PRELID2: variants seen among roughly 807,000 people sequenced by gnomAD.
The protein encoded by PRELID2 is PRELI domain containing 2, also known as PRELI domain-containing protein 2.
Under a neutral mutation model 28.4 loss-of-function variants are expected in PRELID2, and 25 were observed. The ratio of observed to expected loss-of-function variants is 0.88; its 90% CI spans 0.64 to 1.23. The LOEUF (loss-of-function observed/expected upper bound fraction) is 1.23, where lower values mean the gene tolerates loss of function less well. Ranked by LOEUF, PRELID2 falls within the 50% of genes most tolerant of loss-of-function variation. The probability of loss-of-function intolerance (pLI) is 0.00; values close to 1 mark genes in which losing one functional copy is unlikely to be tolerated. For missense variants in PRELID2, 201 were observed against 214.4 expected (o/e 0.94, Z 0.39); for synonymous variants, 76 against 71.6 (o/e 1.06, Z -0.31).
the PRELID2 span, among the ~76,000 whole-genome samples, chr5:145,233,129 T>C: frequency 6.6e-6 from 1 of 152,088 alleles, no homozygotes; most frequent in Non-Finnish European, 1.5e-5. Context: ...ATTTTAACAA[T>C]GGCACTCTGA....
the PRELID2 span, among the ~76,000 whole-genome samples, chr5:145,375,895 T>C: frequency 1.3e-5 from 2 of 152,150 alleles, no homozygotes; most frequent in Non-Finnish European, 2.9e-5. Context: ...AGAGAGCTAA[T>C]GTGTTAGGCA....
chr5:145,337,488 T>A, the PRELID2 span, among the ~76,000 whole-genome samples: 1 of 151,528 alleles, frequency 6.6e-6, no homozygotes, highest in South Asian at 2.1e-4. Flanking sequence ...CTGCTTCAGA[T>A]TCCATTCACA....
the PRELID2 span, among the ~76,000 whole-genome samples, chr5:145,309,626 C>T: frequency 7.9e-5 from 12 of 152,288 alleles, no homozygotes; most frequent in Admixed American, 3.3e-4. Context: ...ACAACAATAG[C>T]TAACATTGAT....
intron 1 of PRELID2, among the ~76,000 whole-genome samples, chr5:145,585,423 A>C (rs1378969458): frequency 1.3e-5 from 2 of 152,210 alleles, no homozygotes; most frequent in African/African-American, 4.8e-5. Flanking sequence ...CACCTCCTGC[A>C]CATGTACCCC....
chr5:145,262,876 C>A, the PRELID2 span, among the ~76,000 whole-genome samples: 1 of 152,026 alleles, frequency 6.6e-6, no homozygotes, highest in Non-Finnish European at 1.5e-5. Flanking sequence ...CATAAATGCT[C>A]ACTTAAAAGA....
chr5:145,377,030 TA>T, the PRELID2 span, among the ~76,000 whole-genome samples: 1 of 152,196 alleles, frequency 6.6e-6, no homozygotes, highest in African/African-American at 2.4e-5. Flanking sequence ...TTTAGTGCTA[TA>T]AATTTCCCTC....
At chr5:145,295,490 C>G in the PRELID2 span, among the ~76,000 whole-genome samples, 1 of 152,066 alleles carries the variant, frequency 6.6e-6, no homozygotes, top group Non-Finnish European at 1.5e-5. Flanking sequence ...AAACAAAAAA[C>G]TAAAAGAAAT....
intron 1 of PRELID2, among the ~76,000 whole-genome samples, chr5:145,703,155 A>T (rs532802022): frequency 1.6e-3 from 248 of 152,302 alleles, no homozygotes; most frequent in African/African-American, 5.8e-3. Flanking sequence ...CAAATTACCA[A>T]GCAAACACAA....
At chr5:145,704,879 T>A (rs776595626) in intron 1 of PRELID2, among the ~76,000 whole-genome samples, 6 of 152,224 alleles carry the variant, frequency 3.9e-5, no homozygotes, top group Non-Finnish European at 7.3e-5. Context: ...GCAGATGAGC[T>A]GTGCAAAGAG....
intron 1 of PRELID2, among the ~76,000 whole-genome samples, chr5:145,741,381 T>C (rs1262884823): frequency 9.2e-6 from 1 of 108,376 alleles, no homozygotes; most frequent in African/African-American, 3.7e-5. Context: ...TAAATTTTAT[T>C]TATAAATTAT....
the PRELID2 span, among the ~76,000 whole-genome samples, chr5:145,260,115 C>T: frequency 1.3e-5 from 2 of 152,152 alleles, no homozygotes; most frequent in African/African-American, 4.8e-5. Flanking sequence ...AAGATGCTTG[C>T]TACCCCTTTG....
intron 5 of PRELID2, among the ~76,000 whole-genome samples, chr5:145,783,485 A>G (rs1328231567): frequency 2.0e-5 from 3 of 152,240 alleles, no homozygotes; most frequent in Non-Finnish European, 2.9e-5. Flanking sequence ...AGCAGCTACT[A>G]TGATATACCT....
intron 1 of PRELID2, among the ~76,000 whole-genome samples, chr5:145,592,487 C>T (rs984375407): frequency 2.6e-5 from 4 of 152,052 alleles, no homozygotes; most frequent in Admixed American, 2.6e-4. Context: ...CACACACACA[C>T]ACACACATTG....
chr5:145,335,362 G>T, the PRELID2 span, among the ~76,000 whole-genome samples: 1 of 151,572 alleles, frequency 6.6e-6, no homozygotes, highest in African/African-American at 2.4e-5. Context: ...TTTATGTATT[G>T]TTTTTCCTGG....
intron 1 of PRELID2, among the ~76,000 whole-genome samples, chr5:145,592,275 C>T (rs1024867590): frequency 4.6e-5 from 7 of 151,894 alleles, no homozygotes; most frequent in Admixed American, 1.3e-4. Flanking sequence ...ATTAGCTGGG[C>T]GTGGTGGTGG....
chr5:145,436,177 C>T, the PRELID2 span, among the ~76,000 whole-genome samples: 3 of 152,112 alleles, frequency 2.0e-5, no homozygotes, highest in Non-Finnish European at 2.9e-5. Context: ...TTATAAGTGA[C>T]ATGTGGCATT....
rs199790061 is a variant in PRELID2, at chr5:145,783,856, TAC to T, written c.474+12584_474+12585del. On this transcript the variant is annotated intron_variant, in intron 5 of 6. Coordinates refer to ENST00000683046, the MANE Select transcript of PRELID2 (RefSeq NM_205846.3). ...ATGCTCTTTTCCTCTGTCTTGGAATTACTGAATTTTGAAATATCCACTGTTTT... is the reference window on the plus strand; with the variant it reads ...ATGCTCTTTTCCTCTGTCTTGGAATTTGAATTTTGAAATATCCACTGTTTT... 6.9e-3 allele frequency among the ~76,000 whole-genome samples: 1,051 copies of T among 152,374 alleles called. 9 individuals are homozygous for T. The highest frequency in any genetic ancestry group is 0.015 in the Admixed American group (226 of 15,300).
the PRELID2 span, among the ~76,000 whole-genome samples, chr5:145,422,853 T>G: frequency 6.6e-6 from 1 of 152,266 alleles, no homozygotes; most frequent in South Asian, 2.1e-4. Context: ...CATTTTGGCA[T>G]GATTTTGCAG....
At chr5:145,344,403 A>G in the PRELID2 span, among the ~76,000 whole-genome samples, 1 of 152,066 alleles carries the variant, frequency 6.6e-6, no homozygotes, top group East Asian at 1.9e-4. Context: ...GACAAAAACC[A>G]TATGATTTAT....
Sources: gnomAD v4.1 joint callset for allele counts (sites outside exome capture counted in the v4.1 genomes callset) on GRCh38, gnomAD v4.1.1 for gene constraint, MANE v1.5 for transcripts, NCBI Gene and HGNC (gene_info 2026-07-23, HGNC 2026-07-21) for gene names.